Variants in TRAPPC9 observed in about 807,000 individuals in gnomAD.
TRAPPC9 encodes the protein IKK2 binding protein.
In TRAPPC9, 83 loss-of-function variants were observed where a neutral mutation model predicts 124.0. The observed-to-expected ratio is 0.67, with a 90% CI of 0.56 to 0.80. The LOEUF (loss-of-function observed/expected upper bound fraction) is 0.80. Among genes scored for constraint, TRAPPC9 ranks in the 30% least tolerant of loss-of-function variants. The probability of loss-of-function intolerance (pLI) is 0.00; values close to 1 mark genes in which losing one functional copy is unlikely to be tolerated. For synonymous variants in TRAPPC9, 638 were observed against 617.5 expected (o/e 1.03, Z -0.49); for missense variants, 1,302 against 1,508.3 (o/e 0.86, Z 2.27).
At chr8:139,948,887 G>A (rs762852272) in intron 19 of TRAPPC9, among the ~76,000 whole-genome samples, 2 of 152,156 alleles carry the variant, frequency 1.3e-5, no homozygotes, top group Non-Finnish European at 2.9e-5. Flanking sequence ...GACCAGCCTG[G>A]CCAACATGGG....
intron 8 of TRAPPC9, among the ~76,000 whole-genome samples, chr8:140,365,627 G>A (rs1044515837): frequency 1.3e-5 from 2 of 152,188 alleles, no homozygotes; most frequent in Non-Finnish European, 2.9e-5. Context: ...CCAGCACCCC[G>A]CACAGGCTGC....
rs981182563 is a variant in TRAPPC9, at chr8:139,907,587, G to A, written c.2964+2560C>T. On this transcript the variant is annotated intron_variant, in intron 20 of 22. Transcript: ENST00000438773. This position sits in a 1 kb window ranked among gnomAD's most constrained non-coding sequence, Gnocchi z 4.7. Reference sequence around the variant, plus strand: ...AGAGAGGGAGGGAGGGAGGGAGGGAGGGATGATGTCCTTAATGTTAACTCT... The same window carrying A: ...AGAGAGGGAGGGAGGGAGGGAGGGAAGGATGATGTCCTTAATGTTAACTCT... Among the ~76,000 whole-genome samples, 26 of 150,180 alleles carry A rather than the reference G, an allele frequency of 1.7e-4. No homozygotes were observed. The Admixed American group carries it at 1.7e-3, about 10-fold the overall frequency.
intron 14 of TRAPPC9, among the ~76,000 whole-genome samples, chr8:140,277,063 A>C (rs2131662748): frequency 6.6e-6 from 1 of 152,294 alleles, no homozygotes; most frequent in Admixed American, 6.5e-5. Flanking sequence ...CACAGCACAC[A>C]GGATCGGAGT....
intron 21 of TRAPPC9, among the ~76,000 whole-genome samples, chr8:139,839,181 A>G (rs1210216647): frequency 1.3e-5 from 2 of 152,358 alleles, no homozygotes; most frequent in African/African-American, 4.8e-5. Flanking sequence ...GCCTGGGCCC[A>G]GGCACTCGCT....
intron 9 of TRAPPC9, among the ~76,000 whole-genome samples, chr8:140,339,202 A>C (rs2067130015): frequency 6.6e-6 from 1 of 151,976 alleles, no homozygotes; most frequent in African/African-American, 2.4e-5. Context: ...CTGGCCTTAC[A>C]GCCACCTACA....
At chr8:140,129,776 C>T (rs1462457351) in intron 17 of TRAPPC9, among the ~76,000 whole-genome samples, 4 of 152,086 alleles carry the variant, frequency 2.6e-5, no homozygotes, top group African/African-American at 7.2e-5. Context: ...GATACCGGAT[C>T]GGAATTGGAG....
At chr8:140,309,038 G>T (rs953450967) in intron 10 of TRAPPC9, among the ~76,000 whole-genome samples, 3 of 152,164 alleles carry the variant, frequency 2.0e-5, no homozygotes, top group Non-Finnish European at 4.4e-5. Flanking sequence ...CCAGGAAAGG[G>T]ACGCGCACAG....
At chr8:140,005,495 G>C (rs1052282944) in intron 18 of TRAPPC9, among the ~76,000 whole-genome samples, 7 of 152,126 alleles carry the variant, frequency 4.6e-5, no homozygotes, top group African/African-American at 7.2e-5. Flanking sequence ...TGAAGTTTTG[G>C]GGGTAAACGA....
intron 2 of TRAPPC9, among the ~76,000 whole-genome samples, chr8:140,448,169 T>C (rs1224566121): frequency 1.4e-5 from 2 of 143,094 alleles, no homozygotes; most frequent in Non-Finnish European, 3.1e-5. Flanking sequence ...AAAAAAAAAT[T>C]AGAGAACCAT....
At chr8:140,208,912 T>G (rs1469724998) in intron 17 of TRAPPC9, among the ~76,000 whole-genome samples, 1 of 152,228 alleles carries the variant, frequency 6.6e-6, no homozygotes, top group East Asian at 1.9e-4. Context: ...CAACTTTTCA[T>G]ATGCAGGGGT....
intron 17 of TRAPPC9, among the ~76,000 whole-genome samples, chr8:140,129,694 T>C (rs1024277956): frequency 6.8e-6 from 1 of 147,496 alleles, no homozygotes; most frequent in African/African-American, 2.6e-5. Context: ...GAAGTTATGG[T>C]GAGAGCCAGC....
chr8:139,946,225 G>A (rs150142896), intron 19 of TRAPPC9, among the ~76,000 whole-genome samples: 9 of 152,282 alleles, frequency 5.9e-5, no homozygotes, highest in African/African-American at 1.7e-4. Context: ...GGCCCTAGCA[G>A]GCTTTATGCC....
intron 7 of TRAPPC9, among the ~76,000 whole-genome samples, chr8:140,388,956 CTT>C (rs1244741598): frequency 0.016 from 2,067 of 125,314 alleles, 54 homozygotes; most frequent in African/African-American, 0.057. Flanking sequence ...CAAACACTGT[CTT>C]TTTTTTTTTT....
chr8:140,282,753 T>C (rs1471695063), intron 14 of TRAPPC9, among the ~76,000 whole-genome samples: 1 of 152,200 alleles, frequency 6.6e-6, no homozygotes, highest in Non-Finnish European at 1.5e-5. Context: ...TAATACTATA[T>C]ATGATGTCAT....
At position 139,728,612 on chromosome 8, in the gene TRAPPC9, C is replaced by T. The variant is rs562673865; in HGVS notation, c.*2449G>A. Among the ~76,000 whole-genome samples, 27 of 152,318 alleles carry T rather than the reference C, an allele frequency of 1.8e-4. No homozygotes were observed. In the South Asian group the frequency reaches 2.1e-3, roughly 12 times the overall value. Reference sequence around the variant, plus strand: ...AACACCCCTGGCTCCCCACATCCCACGGTAAAGCTCCAAACGCTTGGAGCA... The same window carrying T: ...AACACCCCTGGCTCCCCACATCCCATGGTAAAGCTCCAAACGCTTGGAGCA... On this transcript the variant is annotated 3_prime_UTR_variant, in exon 23 of 23. Coordinates refer to ENST00000438773, the MANE Select transcript of TRAPPC9 (RefSeq NM_001160372.4).
chr8:139,837,285 G>A (rs937331418), intron 21 of TRAPPC9, among the ~76,000 whole-genome samples: 2 of 152,138 alleles, frequency 1.3e-5, no homozygotes, highest in Non-Finnish European at 2.9e-5. Flanking sequence ...TGTCGAGGCA[G>A]CACGGTAACC....
At chr8:140,046,113 G>T (rs1587582608) in intron 17 of TRAPPC9, among the ~76,000 whole-genome samples, 1 of 152,172 alleles carries the variant, frequency 6.6e-6, no homozygotes, top group South Asian at 2.1e-4. Flanking sequence ...AGAGCTGAGG[G>T]GTCTTGCCCA....
rs11267571 is a variant in TRAPPC9, at chr8:140,435,250, AAGAAAACAAAAAACAAAAACC to A, written c.731-31_731-11del. The A allele has an allele frequency of 0.73, 1,164,714 of 1,598,458 alleles. 430,974 individuals carry two copies. The highest frequency in any genetic ancestry group is 0.99 in the East Asian group (44,308 of 44,544). On this transcript the variant is annotated splice_polypyrimidine_tract_variant and intron_variant, in intron 3 of 22. Coordinates refer to ENST00000438773, the MANE Select transcript of TRAPPC9 (RefSeq NM_001160372.4). ...AATCCTTCCAGGGCAGCTGGGCATT[AAGAAAACAAAAAACAAAAACC>A]AGAAAACAAAAAACAAAAACCAGCA...
At chr8:140,176,626 G>T (rs866931084) in intron 17 of TRAPPC9, among the ~76,000 whole-genome samples, 1 of 152,254 alleles carries the variant, frequency 6.6e-6, no homozygotes. Context: ...TATGGGCATC[G>T]GTCATGTCTT....
Sources: gnomAD v4.1 joint callset for allele counts (sites outside exome capture counted in the v4.1 genomes callset) on GRCh38, gnomAD v4.1.1 for gene constraint, Gnocchi (gnomAD v3.1) non-coding constraint, MANE v1.5 for transcripts, NCBI Gene and HGNC (gene_info 2026-07-23, HGNC 2026-07-21) for gene names.